ABCB1: variants seen among roughly 807,000 people sequenced by gnomAD.
ABCB1 encodes ATP-dependent translocase ABCB1.
A neutral mutation model predicts 142.0 loss-of-function variants in ABCB1; 69 were observed. The ratio of observed to expected loss-of-function variants is 0.49; its 90% CI spans 0.40 to 0.59. The LOEUF (loss-of-function observed/expected upper bound fraction) is 0.59. Among genes scored for constraint, ABCB1 ranks in the 20% least tolerant of loss-of-function variants. The probability of loss-of-function intolerance (pLI) is 0.00; values close to 1 mark genes in which losing one functional copy is unlikely to be tolerated. For synonymous variants in ABCB1, 532 were observed against 539.2 expected (o/e 0.99, Z 0.18); for missense variants, 1,326 against 1,554.7 (o/e 0.85, Z 2.47).
intron 1 of ABCB1, among the ~76,000 whole-genome samples, chr7:87,707,205 C>T (rs1014156420): frequency 6.6e-6 from 1 of 151,958 alleles, no homozygotes; most frequent in African/African-American, 2.4e-5. Context: ...TCATCAGGCA[C>T]ATCAAGAAAC....
intron 1 of ABCB1, among the ~76,000 whole-genome samples, chr7:87,667,928 A>T (rs1825430459): frequency 6.6e-6 from 1 of 152,068 alleles, no homozygotes; most frequent in South Asian, 2.1e-4. Context: ...TTCATCAAGG[A>T]TATCAGCCTG....
chr7:87,540,466 G>A (rs1816487728), intron 18 of ABCB1, among the ~76,000 whole-genome samples: 2 of 151,868 alleles, frequency 1.3e-5, no homozygotes. Flanking sequence ...TTAGAGACAG[G>A]GACTCACTCT....
intron 4 of ABCB1, among the ~76,000 whole-genome samples, chr7:87,584,556 G>A (rs1818650417): frequency 6.6e-6 from 1 of 152,096 alleles, no homozygotes; most frequent in Non-Finnish European, 1.5e-5. Flanking sequence ...GAGAGAGAGG[G>A]AGAGAGAGGA....
intron 19 of ABCB1, chr7:87,536,890 G>A (rs1002291566): frequency 9.3e-5 from 28 of 301,228 alleles, no homozygotes; most frequent in South Asian, 9.0e-4. Context: ...AGAAAAGTGA[G>A]GGGAGGTGCT....
chr7:87,584,958 CACA>C (rs1818672213), intron 4 of ABCB1, among the ~76,000 whole-genome samples: 2 of 148,972 alleles, frequency 1.3e-5, no homozygotes, highest in African/African-American at 5.0e-5. Context: ...AATACCCCCC[CACA>C]CACACACACA....
chr7:87,571,064 T>C (rs756285099), intron 4 of ABCB1, among the ~76,000 whole-genome samples: 2 of 152,190 alleles, frequency 1.3e-5, no homozygotes, highest in Non-Finnish European at 1.5e-5. Context: ...AAAGAGTAAA[T>C]ATTTTCTAGG....
chr7:87,580,099 T>C (rs1818447422), intron 4 of ABCB1, among the ~76,000 whole-genome samples: 2 of 152,206 alleles, frequency 1.3e-5, no homozygotes, highest in Non-Finnish European at 2.9e-5. Flanking sequence ...ATTACAGTGT[T>C]GTAATATTCT....
intron 3 of ABCB1, among the ~76,000 whole-genome samples, chr7:87,592,517 A>G (rs1280281298): frequency 6.6e-6 from 1 of 152,222 alleles, no homozygotes; most frequent in African/African-American, 2.4e-5. Context: ...AGATGGTCAT[A>G]AGATCAAAAG....
intron 1 of ABCB1, among the ~76,000 whole-genome samples, chr7:87,636,970 G>A (rs1239121163): frequency 6.6e-6 from 1 of 152,170 alleles, no homozygotes; most frequent in Non-Finnish European, 1.5e-5. Flanking sequence ...AGTAGCAGGA[G>A]AGAGAAAAAT....
chr7:87,547,243 G>C (rs1047060307), intron 14 of ABCB1, among the ~76,000 whole-genome samples: 1 of 151,846 alleles, frequency 6.6e-6, no homozygotes, highest in African/African-American at 2.4e-5. Context: ...AAATACACAA[G>C]GAAAAATTAG....
chr7:87,504,685 G>T (rs573089699), intron 27 of ABCB1, among the ~76,000 whole-genome samples: 7 of 151,880 alleles, frequency 4.6e-5, no homozygotes, highest in South Asian at 2.1e-4. Context: ...GGTGCCTGTA[G>T]TCCCAGCTAG....
At chr7:87,628,618 TGTG>T (rs1820855807) in intron 1 of ABCB1, 4 of 306,342 alleles carry the variant, frequency 1.3e-5, no homozygotes, top group African/African-American at 7.4e-5. Flanking sequence ...TGTGTGTGTG[TGTG>T]TGTGGAGCTC....
At chr7:87,515,539 T>C (rs1815200158) in intron 24 of ABCB1, 111 bp from the exon 25 acceptor site, 2 of 864,802 alleles carry the variant, frequency 2.3e-6, no homozygotes, top group Non-Finnish European at 1.9e-6. Flanking sequence ...TGTGTTACAA[T>C]TGGCTTCACT....
chr7:87,646,474 A>G (rs570211596), intron 1 of ABCB1, among the ~76,000 whole-genome samples: 1 of 152,260 alleles, frequency 6.6e-6, no homozygotes, highest in South Asian at 2.1e-4. Flanking sequence ...GGTGTATTTT[A>G]TGGAGATGCA....
At chr7:87,577,083 G>A (rs971950019) in intron 4 of ABCB1, among the ~76,000 whole-genome samples, 2 of 151,448 alleles carry the variant, frequency 1.3e-5, no homozygotes, top group South Asian at 2.1e-4. Flanking sequence ...TACACTTCCC[G>A]GCCTCTGGTA....
At chr7:87,506,847 T>A (rs1415783148) in intron 26 of ABCB1, among the ~76,000 whole-genome samples, 1 of 152,196 alleles carries the variant, frequency 6.6e-6, no homozygotes, top group Non-Finnish European at 1.5e-5. Flanking sequence ...CCTAGTTTTG[T>A]GGCACTCAGC....
chr7:87,531,759 T>A, intron 20 of ABCB1: 1 of 432,906 alleles, frequency 2.3e-6, no homozygotes, highest in East Asian at 4.4e-5. Flanking sequence ...CAAGAAAACC[T>A]TCATTAATCA....
intron 8 of ABCB1, among the ~76,000 whole-genome samples, chr7:87,554,414 C>T (rs1281896681): frequency 6.6e-6 from 1 of 151,882 alleles, no homozygotes; most frequent in Non-Finnish European, 1.5e-5. Context: ...TCTGTCCTGC[C>T]TTCCTCTAGG....
chr7:87,516,727 A>G, intron 23 of ABCB1, 62 bp from the exon 24 acceptor site: 1 of 1,113,662 alleles, frequency 9.0e-7, no homozygotes, highest in Non-Finnish European at 1.2e-6. Context: ...GAAAGCTGAC[A>G]CTCCTTTTTT....
Sources: gnomAD v4.1 joint callset for allele counts (sites outside exome capture counted in the v4.1 genomes callset) on GRCh38, gnomAD v4.1.1 for gene constraint, MANE v1.5 for transcripts, NCBI Gene and HGNC (gene_info 2026-07-23, HGNC 2026-07-21) for gene names.